The following PTPN4 variants were observed in gnomAD, a reference collection of about 807,000 sequenced individuals.
PTPN4 encodes the protein protein tyrosine phosphatase non-receptor type 4, also known as tyrosine-protein phosphatase non-receptor type 4.
A neutral mutation model predicts 135.5 loss-of-function variants in PTPN4; 49 were observed. The ratio of observed to expected loss-of-function variants is 0.36; its 90% CI spans 0.29 to 0.46. The LOEUF is 0.46. PTPN4 is among the 20% of genes least tolerant of loss of function. The pLI, the probability that PTPN4 is intolerant of heterozygous loss-of-function variation, is 1.00. For missense variants in PTPN4, 860 were observed against 1,101.0 expected (o/e 0.78, Z 3.10); for synonymous variants, 333 against 369.9 (o/e 0.90, Z 1.14).
At chr2:119,774,012 C>G (rs1398037449) in intron 1 of PTPN4, among the ~76,000 whole-genome samples, 1 of 152,174 alleles carries the variant, frequency 6.6e-6, no homozygotes, top group Non-Finnish European at 1.5e-5. Context: ...ACCTCTATTT[C>G]TAGTGAGTTC....
chr2:119,787,600 C>G (rs1443660300), intron 1 of PTPN4, among the ~76,000 whole-genome samples: 1 of 152,094 alleles, frequency 6.6e-6, no homozygotes, highest in Non-Finnish European at 1.5e-5. Flanking sequence ...GTACCTGGAA[C>G]AGAGTGGATG....
chr2:119,767,688 C>A (rs1310925383), intron 1 of PTPN4, among the ~76,000 whole-genome samples: 1 of 152,158 alleles, frequency 6.6e-6, no homozygotes, highest in Non-Finnish European at 1.5e-5. Context: ...TTTTCTGTTA[C>A]ATGTTTTCCT....
chr2:119,845,819 C>T (rs1677490261), intron 2 of PTPN4, among the ~76,000 whole-genome samples: 1 of 152,036 alleles, frequency 6.6e-6, no homozygotes, highest in Non-Finnish European at 1.5e-5. Flanking sequence ...TTTTGTTATG[C>T]AGTCATTTGT....
In PTPN4 at chr2:119,975,458, T is replaced by A. The variant is rs183370142; in HGVS notation, c.2695-1526T>A. Among the ~76,000 whole-genome samples the A allele has an allele frequency of 8.1e-3, 1,238 of 152,274 alleles. 18 individuals are homozygous for A. Among genetic ancestry groups the A allele is most frequent in the African/African-American group, 0.025 (1,045 of 41,556 alleles). ...TCCCTTCAGGGATGGGTGCGGTGGC[T>A]CACGCCTGTAATCTCAGCACTTTAG... On this transcript the variant is annotated intron_variant, in intron 26 of 26. Transcript: ENST00000263708.
rs4480992 is a variant in PTPN4 at position 119,951,741 on chromosome 2, G to T, written c.1657-232G>T. 0.73 allele frequency among the ~76,000 whole-genome samples: 111,357 copies of T among 152,066 alleles called. 40,830 individuals are homozygous for T. The highest frequency in any genetic ancestry group is 0.83 in the East Asian group (4,280 of 5,186). On this transcript the variant is annotated intron_variant, in intron 18 of 26. Coordinates refer to ENST00000263708, the MANE Select transcript of PTPN4 (RefSeq NM_002830.4). ...TTGGAAATCATCAGTCTTATTTGTA[G>T]GTCTAGGCACATAATAGGTCATCAG...
At chr2:119,967,428 G>A (rs955998085) in intron 25 of PTPN4, among the ~76,000 whole-genome samples, 7 of 151,722 alleles carry the variant, frequency 4.6e-5, no homozygotes, top group African/African-American at 1.5e-4. Context: ...CAGCCTGGGC[G>A]TGAGCGAGAT....
chr2:119,845,179 C>A (rs1054747225), intron 2 of PTPN4, among the ~76,000 whole-genome samples: 1 of 137,312 alleles, frequency 7.3e-6, no homozygotes, highest in Non-Finnish European at 1.6e-5. Context: ...TGCAGTGAGC[C>A]GAGATGGCAG....
intron 2 of PTPN4, among the ~76,000 whole-genome samples, chr2:119,838,966 T>TG (rs1677339101): frequency 7.2e-5 from 11 of 152,150 alleles, no homozygotes; most frequent in Admixed American, 7.2e-4. Flanking sequence ...AGTTAAGTGT[T>TG]GCCTTTTGCC....
chr2:119,849,216 G>A (rs1677554305), intron 2 of PTPN4, among the ~76,000 whole-genome samples: 1 of 152,100 alleles, frequency 6.6e-6, no homozygotes, highest in Non-Finnish European at 1.5e-5. Context: ...AGCAGTTCCT[G>A]TTACCTGCTA....
chr2:119,867,709 AC>A (rs1677852554), intron 3 of PTPN4, among the ~76,000 whole-genome samples: 1 of 152,134 alleles, frequency 6.6e-6, no homozygotes, highest in East Asian at 1.9e-4. Flanking sequence ...CAATTTTTAA[AC>A]CAACTTTGTG....
At position 119,957,067 on chromosome 2, in the gene PTPN4, A is replaced by G; in HGVS notation, c.2123A>G (p.Asn708Ser). ...LKGNEDYINA[N>S]YINMEIPSSS... ...GGTAATGAAGACTACATCAATGCGA[A>G]CTATATAAATGTAAGTTTATTCTTA... The change falls in exon 22 of 27, where the codon AAC becomes AGC. Residue 708 changes from asparagine (N) to serine (S), a missense_variant. This residue lies in a region of PTPN4 where 176 missense variants were observed against 294.1 expected (regional missense o/e 0.60). Coordinates refer to ENST00000263708, the MANE Select transcript of PTPN4 (RefSeq NM_002830.4). The G allele has an allele frequency of 2.5e-6, 4 of 1,608,780 alleles. No homozygotes were observed. The highest frequency in any genetic ancestry group is 1.1e-5 in the South Asian group (1 of 90,088).
chr2:119,835,108 G>T (rs1333190832), intron 2 of PTPN4, among the ~76,000 whole-genome samples: 2 of 152,142 alleles, frequency 1.3e-5, no homozygotes, highest in African/African-American at 4.8e-5. Flanking sequence ...GGAGTCTATT[G>T]TCACTTCCTT....
At chr2:119,784,678 C>T (rs574874144) in intron 1 of PTPN4, among the ~76,000 whole-genome samples, 225 of 150,518 alleles carry the variant, frequency 1.5e-3, no homozygotes, top group Non-Finnish European at 2.6e-3. Flanking sequence ...TGAGCTACTG[C>T]GCCCAGCTGC....
intron 10 of PTPN4, among the ~76,000 whole-genome samples, chr2:119,901,844 A>G (rs1030404299): frequency 6.6e-6 from 1 of 152,238 alleles, no homozygotes; most frequent in Non-Finnish European, 1.5e-5. Context: ...GAAATGAAGA[A>G]TGCCTTTGGT....
chr2:119,882,067 CG>C lies in PTPN4; in HGVS notation c.414-28del, dbSNP rs767106406. The C allele has an allele frequency of 2.4e-5, 37 of 1,560,934 alleles. No individual in the cohort carries two copies. The South Asian group carries it at 3.9e-4, about 17-fold the overall frequency. Reference sequence around the variant, plus strand: ...TTTTGAAATTGCTATGTTTAACCTTCGGTTGTGTATTTTTGTTTTGTTTTAT... The same window carrying C: ...TTTTGAAATTGCTATGTTTAACCTTCGTTGTGTATTTTTGTTTTGTTTTAT... On this transcript the variant is annotated intron_variant, in intron 6 of 26. Coordinates refer to ENST00000263708, the MANE Select transcript of PTPN4 (RefSeq NM_002830.4).
chr2:119,806,430 G>T (rs749707516), intron 1 of PTPN4, among the ~76,000 whole-genome samples: 2 of 152,150 alleles, frequency 1.3e-5, no homozygotes, highest in Non-Finnish European at 2.9e-5. Context: ...TGCAATCCCA[G>T]TCTCTGATAA....
chr2:119,905,515 A>C (rs545269530), intron 10 of PTPN4, among the ~76,000 whole-genome samples: 1 of 152,224 alleles, frequency 6.6e-6, no homozygotes, highest in East Asian at 1.9e-4. Flanking sequence ...ACTCCAATAC[A>C]ATAGTAGTTG....
chr2:119,977,268 G>A lies in PTPN4; in HGVS notation c.*198G>A. ...AAAATCTATAACTCATGTATTTGAA[G>A]ACTGTTTCATGCTTTGCTCCGAACA... On this transcript the variant is annotated 3_prime_UTR_variant, in exon 27 of 27. Transcript: ENST00000263708. 2.3e-6 allele frequency: 2 copies of A among 872,930 alleles called. No individual in the cohort carries two copies. Among genetic ancestry groups the A allele is most frequent in the South Asian group, 3.2e-5 (1 of 31,050 alleles). The allele number at this position is 872,930 out of a possible 1,614,324, so 54.1% of individuals were successfully genotyped here.
rs1003764803 is a variant in PTPN4 at position 119,977,694 on chromosome 2, A to G, written c.*624A>G. On this transcript the variant is annotated 3_prime_UTR_variant, in exon 27 of 27. Coordinates refer to ENST00000263708, the MANE Select transcript of PTPN4 (RefSeq NM_002830.4). ...TACCAGCATCTTATAGAAAATATAA[A>G]TATGAATCTACAAATTCTCTTGGAT... 2.0e-5 allele frequency: 3 copies of G among 152,170 alleles called. No homozygotes were observed. The highest frequency in any genetic ancestry group is 4.4e-5 in the Non-Finnish European group (3 of 68,024). The allele number at this position is 152,170 out of a possible 1,614,324, so 9.4% of individuals were successfully genotyped here. A position where few individuals can be genotyped will look rare whatever the true frequency, so the allele number is the denominator to read the frequency against.
Sources: allele counts gnomAD v4.1 joint callset (sites outside exome capture counted in the v4.1 genomes callset), GRCh38; gene constraint gnomAD v4.1.1; regional missense constraint gnomAD v4.1.1; transcripts MANE v1.5; gene names NCBI Gene and HGNC (gene_info 2026-07-23, HGNC 2026-07-21).